Variants in DLGAP1 observed in about 807,000 individuals in gnomAD.
DLGAP1 encodes the protein DLG associated protein 1.
In DLGAP1, 11 loss-of-function variants were observed where a neutral mutation model predicts 90.8. The ratio of observed to expected loss-of-function variants is 0.12; its 90% CI spans 0.08 to 0.20. The LOEUF is 0.20. Ranked by LOEUF, DLGAP1 falls within the 10% of genes least tolerant of loss-of-function variation. The pLI is 1.00. For missense variants in DLGAP1, 1,050 were observed against 1,333.8 expected (o/e 0.79, Z 3.31); for synonymous variants, 558 against 540.7 (o/e 1.03, Z -0.44).
chr18:3,506,312 G>A (rs1474236030), intron 11 of DLGAP1, among the ~76,000 whole-genome samples: 8 of 151,460 alleles, frequency 5.3e-5, no homozygotes, highest in Non-Finnish European at 1.0e-4. Context: ...TCAGGAGTCC[G>A]AGACCAGCCT....
intron 2 of DLGAP1, among the ~76,000 whole-genome samples, chr18:4,064,212 A>G (rs538106851): frequency 6.6e-6 from 1 of 152,132 alleles, no homozygotes; most frequent in East Asian, 1.9e-4. Flanking sequence ...TATCTCATAT[A>G]TCTTTTACAC....
At chr18:3,981,840 A>G (rs2073737743) in intron 3 of DLGAP1, among the ~76,000 whole-genome samples, 1 of 152,154 alleles carries the variant, frequency 6.6e-6, no homozygotes, top group Admixed American at 6.5e-5. Flanking sequence ...TTTCACAGGA[A>G]TTTCCTCAAT....
At chr18:4,134,474 T>C (rs934488315) in intron 2 of DLGAP1, among the ~76,000 whole-genome samples, 1 of 152,124 alleles carries the variant, frequency 6.6e-6, no homozygotes, top group African/African-American at 2.4e-5. Flanking sequence ...AAAATAATGA[T>C]AATACAAATG....
Position 3,622,807 on chromosome 18 carries a change from C to T in DLGAP1, c.1592-40559G>A, listed in dbSNP as rs1431446271. ...CACATTCATTGATTTCTTTTTTTTT[C>T]TTTTTCTTTTTTTTTGAGATAGAGT... On this transcript the variant is annotated intron_variant, in intron 7 of 12. Coordinates refer to ENST00000315677, the MANE Select transcript of DLGAP1 (RefSeq NM_004746.4). 5.3e-5 allele frequency among the ~76,000 whole-genome samples: 8 copies of T among 151,540 alleles called. No homozygotes were observed. The East Asian group carries it at 1.4e-3, about 26-fold the overall frequency.
At chr18:4,181,134 A>G (rs781221536) in intron 1 of DLGAP1, among the ~76,000 whole-genome samples, 3 of 152,216 alleles carry the variant, frequency 2.0e-5, no homozygotes, top group Non-Finnish European at 4.4e-5. Flanking sequence ...CTTTTATAAA[A>G]TAGAGTCCTT....
At chr18:3,900,685 G>A (rs1006290954) in intron 3 of DLGAP1, among the ~76,000 whole-genome samples, 1 of 152,122 alleles carries the variant, frequency 6.6e-6, no homozygotes, top group Non-Finnish European at 1.5e-5. Flanking sequence ...GATGCAGGAG[G>A]AATCACACAT....
At chr18:3,640,125 C>T (rs1010425730) in intron 7 of DLGAP1, among the ~76,000 whole-genome samples, 1 of 152,014 alleles carries the variant, frequency 6.6e-6, no homozygotes, top group Non-Finnish European at 1.5e-5. Flanking sequence ...TCCCTCACAG[C>T]TCGTAGGATA....
At chr18:3,616,349 T>C (rs2057865118) in intron 7 of DLGAP1, among the ~76,000 whole-genome samples, 4 of 152,196 alleles carry the variant, frequency 2.6e-5, no homozygotes, top group Non-Finnish European at 5.9e-5. Flanking sequence ...CCCTGGGCGA[T>C]GTGTACATGT....
chr18:3,656,607 T>G (rs1791397), intron 7 of DLGAP1, among the ~76,000 whole-genome samples: 51,081 of 152,032 alleles, frequency 0.34, 10,127 homozygotes, highest in African/African-American at 0.56. Context: ...GCCAGAGCCC[T>G]TTTCTTGGTC....
chr18:4,013,849 A>T (rs2074473109), intron 2 of DLGAP1: 1 of 152,194 alleles, frequency 6.6e-6, no homozygotes, highest in Non-Finnish European at 1.5e-5. Context: ...AATTCCACCA[A>T]AAAACCATTT....
intron 3 of DLGAP1, among the ~76,000 whole-genome samples, chr18:3,902,002 A>C (rs1283255472): frequency 6.6e-6 from 1 of 152,236 alleles, no homozygotes; most frequent in East Asian, 1.9e-4. Context: ...CAGAGAATAA[A>C]GTGAAGTGCA....
intron 7 of DLGAP1, among the ~76,000 whole-genome samples, chr18:3,625,447 A>T (rs2058257694): frequency 6.6e-6 from 1 of 152,214 alleles, no homozygotes; most frequent in East Asian, 1.9e-4. Context: ...CACTTCACGC[A>T]ATGCCCCAAA....
At chr18:3,942,902 T>C (rs11876749) in intron 3 of DLGAP1, among the ~76,000 whole-genome samples, 69,040 of 151,986 alleles carry the variant, frequency 0.45, 15,838 homozygotes, top group East Asian at 0.51. Flanking sequence ...GGGTAGAATT[T>C]TGGAGCTGGG....
At chr18:3,987,353 CA>C (rs1190362207) in intron 3 of DLGAP1, among the ~76,000 whole-genome samples, 2 of 151,746 alleles carry the variant, frequency 1.3e-5, no homozygotes, top group African/African-American at 2.4e-5. Flanking sequence ...ATTTTGCTAC[CA>C]AAAAAAAGTT....
intron 10 of DLGAP1, among the ~76,000 whole-genome samples, chr18:3,523,719 C>CCAT (rs2051401318): frequency 6.6e-6 from 1 of 151,812 alleles, no homozygotes; most frequent in Non-Finnish European, 1.5e-5. Flanking sequence ...TGGTGGCGTG[C>CCAT]GCCCGTAGTC....
At chr18:4,030,793 G>T (rs745727097) in intron 2 of DLGAP1, among the ~76,000 whole-genome samples, 3 of 152,148 alleles carry the variant, frequency 2.0e-5, no homozygotes, top group African/African-American at 7.2e-5. Context: ...ATGGTGGCAT[G>T]TGCCTGTAGT....
intron 2 of DLGAP1, among the ~76,000 whole-genome samples, chr18:4,040,551 C>T (rs2074958953): frequency 6.6e-6 from 1 of 152,098 alleles, no homozygotes; most frequent in African/African-American, 2.4e-5. Flanking sequence ...GTGGTAGAAA[C>T]TATGAAGTAA....
rs144453538 is a variant in DLGAP1 at position 3,929,330 on chromosome 18, C to T, written c.-72-49190G>A. On this transcript the variant is annotated intron_variant, in intron 3 of 12. Coordinates refer to ENST00000315677, the MANE Select transcript of DLGAP1 (RefSeq NM_004746.4). Reference sequence around the variant, plus strand: ...GTAGCACATTATCCCCATAAATTTGCAAATGAATTTGAAAGGAAATGAATT... The same window carrying T: ...GTAGCACATTATCCCCATAAATTTGTAAATGAATTTGAAAGGAAATGAATT... Among the ~76,000 whole-genome samples, 958 of 152,266 alleles carry T rather than the reference C, an allele frequency of 6.3e-3. 14 individuals are homozygous for T. Among genetic ancestry groups the T allele is most frequent in the African/African-American group, 0.022 (915 of 41,534 alleles).
At chr18:3,741,197 CCAAAT>C (rs1389284836) in intron 6 of DLGAP1, among the ~76,000 whole-genome samples, 10 of 110,012 alleles carry the variant, frequency 9.1e-5, no homozygotes, top group Admixed American at 2.7e-4. Context: ...ACCACCACCA[CCAAAT>C]CACCACCACC....
Sources: gnomAD v4.1 joint callset for allele counts (sites outside exome capture counted in the v4.1 genomes callset) on GRCh38, gnomAD v4.1.1 for gene constraint, MANE v1.5 for transcripts, NCBI Gene and HGNC (gene_info 2026-07-23, HGNC 2026-07-21) for gene names.